Variants in CEP83 observed in about 807,000 individuals in gnomAD.
CEP83 encodes centrosomal protein 83.
In CEP83, 70 loss-of-function variants were observed where a neutral mutation model predicts 101.9. The observed-to-expected ratio is 0.69, with a 90% confidence interval of 0.57 to 0.84. CEP83 has a LOEUF of 0.84. CEP83 is among the 40% of genes least tolerant of loss of function. CEP83 has a pLI of 0.00. For missense variants in CEP83, 715 were observed against 787.2 expected (o/e 0.91, Z 1.10); for synonymous variants, 264 against 267.9 (o/e 0.99, Z 0.14).
At chr12:94,343,503 G>C (rs1380395165) in intron 11 of CEP83, among the ~76,000 whole-genome samples, 2 of 84,204 alleles carry the variant, frequency 2.4e-5, no homozygotes, top group Non-Finnish European at 4.3e-5. Flanking sequence ...TTTTTTTTGA[G>C]ACGGAGTCTC....
the CEP83 span, among the ~76,000 whole-genome samples, chr12:94,266,395 C>T: frequency 5.9e-3 from 893 of 152,314 alleles, 5 homozygotes; most frequent in Non-Finnish European, 8.8e-3. Flanking sequence ...ATACACCCAT[C>T]CACATCTGAG....
intron 14 of CEP83, among the ~76,000 whole-genome samples, chr12:94,328,556 T>C (rs889108094): frequency 2.0e-5 from 3 of 152,240 alleles, no homozygotes; most frequent in Non-Finnish European, 4.4e-5. Context: ...GCTATGACTT[T>C]TGGCATTAAA....
chr12:94,354,044 T>A (rs2060326817), intron 11 of CEP83, among the ~76,000 whole-genome samples: 1 of 152,146 alleles, frequency 6.6e-6, no homozygotes, highest in African/African-American at 2.4e-5. Context: ...GCAATAATAG[T>A]AGAGGATTTC....
intron 11 of CEP83, among the ~76,000 whole-genome samples, chr12:94,362,027 G>C (rs2060790590): frequency 6.6e-6 from 1 of 151,860 alleles, no homozygotes; most frequent in African/African-American, 2.4e-5. Context: ...ATCTGACAAG[G>C]GATTAAAATT....
the CEP83 span, chr12:94,301,033 T>A: frequency 1.2e-6 from 2 of 1,613,860 alleles, no homozygotes; most frequent in Non-Finnish European, 1.7e-6. Flanking sequence ...ATGCATTTTC[T>A]CTCACAGAGC....
At chr12:94,320,531 A>G (rs1191772005) in intron 14 of CEP83, among the ~76,000 whole-genome samples, 1 of 151,390 alleles carries the variant, frequency 6.6e-6, no homozygotes, top group African/African-American at 2.4e-5. Context: ...CCATCTTTCT[A>G]TATTTAGTGT....
chr12:94,365,838 C>T (rs939207536), intron 11 of CEP83, among the ~76,000 whole-genome samples: 1 of 149,710 alleles, frequency 6.7e-6, no homozygotes, highest in African/African-American at 2.5e-5. Flanking sequence ...TCACTAAACA[C>T]TGATAGATAC....
At chr12:94,282,971 C>T in the CEP83 span, 352 of 153,182 alleles carry the variant, frequency 2.3e-3, 1 homozygote, top group Non-Finnish European at 3.3e-3. Context: ...GAAACCTGCA[C>T]ATAACAAGAC....
chr12:94,343,686 G>A (rs1427155896), intron 11 of CEP83, among the ~76,000 whole-genome samples: 1 of 149,674 alleles, frequency 6.7e-6, no homozygotes, highest in Non-Finnish European at 1.5e-5. Context: ...GTAGAGACGG[G>A]GTTTCACCTT....
At chr12:94,432,797 C>A (rs2065737846) in intron 2 of CEP83, among the ~76,000 whole-genome samples, 2 of 152,284 alleles carry the variant, frequency 1.3e-5, no homozygotes, top group South Asian at 4.1e-4. Context: ...ACCCCAAGTA[C>A]CCTGACTTGA....
chr12:94,310,190 T>A (rs1969633314), intron 15 of CEP83, 83 bp from the exon 16 acceptor site: 1 of 558,974 alleles, frequency 1.8e-6, no homozygotes. Context: ...AATTTTAAAC[T>A]GGAATTTCTA....
At chr12:94,405,233 T>G (rs776545713) in intron 4 of CEP83, among the ~76,000 whole-genome samples, 4 of 152,134 alleles carry the variant, frequency 2.6e-5, no homozygotes, top group African/African-American at 4.8e-5. Flanking sequence ...AGCAAAACCA[T>G]GGGAAAATTA....
the CEP83 span, chr12:94,272,053 A>C: frequency 1.3e-5 from 2 of 152,026 alleles, no homozygotes; most frequent in African/African-American, 4.8e-5. Flanking sequence ...GATGGCTGAC[A>C]TGCTACAAAG....
At chr12:94,321,768 T>G (rs962143360) in intron 14 of CEP83, among the ~76,000 whole-genome samples, 4 of 152,078 alleles carry the variant, frequency 2.6e-5, no homozygotes, top group Non-Finnish European at 4.4e-5. Context: ...TCCCTCCCAC[T>G]AGGAGCTCTG....
chr12:94,457,089 G>A lies in CEP83; in HGVS notation c.-155+2468C>T, dbSNP rs149052115. 2.4e-4 allele frequency among the ~76,000 whole-genome samples: 37 copies of A among 152,212 alleles called. No homozygotes were observed. The East Asian group carries it at 6.6e-3, about 27-fold the overall frequency. On this transcript the variant is annotated intron_variant, in intron 1 of 16. Transcript: ENST00000397809. The stretch of plus-strand genomic sequence containing the variant: ...AGAAGGGAATAAGATCAGGTCACGG[G>A]GGATAGAAAGATATGCAGACTAATA...
chr12:94,370,347 A>G (rs1566008548), intron 8 of CEP83, among the ~76,000 whole-genome samples: 1 of 152,236 alleles, frequency 6.6e-6, no homozygotes, highest in African/African-American at 2.4e-5. Context: ...GAAAATCTGC[A>G]GGGGAAAAAA....
At chr12:94,417,961 A>C (rs1192963872) in intron 2 of CEP83, among the ~76,000 whole-genome samples, 1 of 152,246 alleles carries the variant, frequency 6.6e-6, no homozygotes, top group Non-Finnish European at 1.5e-5. Context: ...AAAATGCTTA[A>C]ACAAACAATG....
chr12:94,330,276 GCA>G lies in CEP83; in HGVS notation c.1707+1422_1707+1423del, dbSNP rs143826389. On this transcript the variant is annotated intron_variant, in intron 14 of 16. Transcript: ENST00000397809. ...ATTTGTGGGACTTTACATATAACAC[GCA>G]CACACACACACACACACTTTATCAT... Among the ~76,000 whole-genome samples the G allele has an allele frequency of 4.0e-3, 593 of 149,298 alleles. 4 individuals are homozygous for G. The highest frequency in any genetic ancestry group is 0.022 in the East Asian group (114 of 5,116).
intron 11 of CEP83, among the ~76,000 whole-genome samples, chr12:94,359,219 C>T (rs2060626395): frequency 6.6e-6 from 1 of 152,182 alleles, no homozygotes; most frequent in Admixed American, 6.5e-5. Context: ...AGGGGATTTC[C>T]CACTTCACAC....
Sources: allele counts gnomAD v4.1 joint callset (sites outside exome capture counted in the v4.1 genomes callset), GRCh38; gene constraint gnomAD v4.1.1; transcripts MANE v1.5; gene names NCBI Gene and HGNC (gene_info 2026-07-23, HGNC 2026-07-21).